The following ROR1 variants were observed in gnomAD, a reference collection of about 807,000 sequenced individuals.
ROR1 encodes the protein ROR family WNT receptor 1, also known as inactive tyrosine-protein kinase transmembrane receptor ROR1.
ROR1 carries 19 observed loss-of-function variants against 78.8 expected under a neutral mutation model. That is an observed-to-expected ratio of 0.24 (90% CI 0.17 to 0.35). The LOEUF is 0.35. ROR1 is among the 10% of genes least tolerant of loss of function. ROR1 has a pLI of 1.00. For missense variants in ROR1, 917 were observed against 1,177.8 expected, an observed-to-expected ratio of 0.78 and a Z score of 3.24; for synonymous variants, 386 against 433.6, an observed-to-expected ratio of 0.89 and a Z score of 1.36.
intron 4 of ROR1, among the ~76,000 whole-genome samples, chr1:64,087,057 T>C (rs1320954221): frequency 6.6e-6 from 1 of 152,090 alleles, no homozygotes; most frequent in Non-Finnish European, 1.5e-5. Context: ...CTGAAACATA[T>C]AGAGAATATC....
At chr1:63,899,057 A>T (rs1268057795) in intron 1 of ROR1, among the ~76,000 whole-genome samples, 1 of 151,892 alleles carries the variant, frequency 6.6e-6, no homozygotes, top group African/African-American at 2.4e-5. Context: ...ATCACACAGG[A>T]CCTGCTTCTT....
intron 1 of ROR1, among the ~76,000 whole-genome samples, chr1:63,902,214 T>A (rs2100404414): frequency 6.6e-6 from 1 of 152,312 alleles, no homozygotes; most frequent in South Asian, 2.1e-4. Context: ...AATTGTCATA[T>A]GCAACATTTT....
chr1:63,827,695 C>T (rs1229935827), intron 1 of ROR1, among the ~76,000 whole-genome samples: 2 of 152,138 alleles, frequency 1.3e-5, no homozygotes, highest in Admixed American at 6.5e-5. Context: ...TGGATATTGC[C>T]ATGAAAATAG....
intron 1 of ROR1, among the ~76,000 whole-genome samples, chr1:63,816,308 G>A (rs1009025889): frequency 1.1e-4 from 16 of 152,316 alleles, no homozygotes; most frequent in Admixed American, 7.8e-4. Context: ...ACTCCCACGT[G>A]TTGTGGGAGA....
chr1:63,945,163 C>A (rs1645874190), intron 1 of ROR1, among the ~76,000 whole-genome samples: 1 of 152,080 alleles, frequency 6.6e-6, no homozygotes, highest in African/African-American at 2.4e-5. Context: ...TAGTATGGTC[C>A]TCTGTAGTTT....
Position 64,050,673 on chromosome 1 carries a change from T to C in ROR1, c.452-13T>C. 1 of 1,613,344 alleles carries C rather than the reference T, an allele frequency of 6.2e-7. No homozygotes were observed. The highest frequency in any genetic ancestry group is 1.6e-4 in the Middle Eastern group (1 of 6,062). On this transcript the variant is annotated splice_polypyrimidine_tract_variant and intron_variant, in intron 3 of 8. Coordinates refer to ENST00000371079, the MANE Select transcript of ROR1 (RefSeq NM_005012.4). ...GACTGACTGTTTCTTTTGTTTTTCT[T>C]TCATTTCTTCAGGCCCCCCTCCCAC... is the stretch of plus-strand genomic sequence containing the variant.
intron 1 of ROR1, among the ~76,000 whole-genome samples, chr1:63,951,326 C>T (rs980830621): frequency 6.6e-6 from 1 of 152,034 alleles, no homozygotes; most frequent in East Asian, 1.9e-4. Flanking sequence ...GTTCCAGGCA[C>T]CCTACACTGT....
At chr1:63,873,313 T>G (rs1276670937) in intron 1 of ROR1, among the ~76,000 whole-genome samples, 1 of 152,206 alleles carries the variant, frequency 6.6e-6, no homozygotes. Context: ...TTGTAAACTA[T>G]AGAGTAAGAA....
intron 1 of ROR1, among the ~76,000 whole-genome samples, chr1:63,868,405 G>T (rs1024747020): frequency 2.6e-5 from 4 of 152,146 alleles, no homozygotes; most frequent in African/African-American, 4.8e-5. Context: ...GCAGAGGGAG[G>T]CTGGGCCATA....
chr1:64,077,531 G>A (rs781749703), intron 4 of ROR1, among the ~76,000 whole-genome samples: 15 of 152,230 alleles, frequency 9.9e-5, no homozygotes, highest in Non-Finnish European at 2.2e-4. Flanking sequence ...CTTTGTGAGT[G>A]GGGCATCAAT....
At chr1:64,025,125 T>C (rs1359096212) in intron 2 of ROR1, among the ~76,000 whole-genome samples, 1 of 152,216 alleles carries the variant, frequency 6.6e-6, no homozygotes, top group Non-Finnish European at 1.5e-5. Flanking sequence ...GTGTTATAAG[T>C]AATCACTTCC....
intron 1 of ROR1, among the ~76,000 whole-genome samples, chr1:63,913,656 T>C (rs1645587926): frequency 6.6e-6 from 1 of 152,206 alleles, no homozygotes; most frequent in Admixed American, 6.5e-5. Context: ...CCCTGAGATT[T>C]TCTTAGCTGC....
chr1:64,007,249 C>T (rs2100540382), intron 1 of ROR1, among the ~76,000 whole-genome samples: 1 of 152,184 alleles, frequency 6.6e-6, no homozygotes, highest in East Asian at 1.9e-4. Context: ...GTAAACAGAG[C>T]CATAATTGAT....
intron 1 of ROR1, among the ~76,000 whole-genome samples, chr1:63,961,993 A>T (rs867751530): frequency 6.6e-6 from 1 of 152,176 alleles, no homozygotes; most frequent in Admixed American, 6.5e-5. Flanking sequence ...TTAAAAATTT[A>T]AAAAATAAAA....
chr1:64,042,305 C>T (rs1646751369), intron 2 of ROR1, among the ~76,000 whole-genome samples: 1 of 152,054 alleles, frequency 6.6e-6, no homozygotes, highest in Non-Finnish European at 1.5e-5. Flanking sequence ...TTTGATATTC[C>T]AGAGATGGAT....
At chr1:64,013,290 A>G (rs1646492352) in intron 2 of ROR1, among the ~76,000 whole-genome samples, 1 of 152,122 alleles carries the variant, frequency 6.6e-6, no homozygotes, top group Admixed American at 6.6e-5. Flanking sequence ...ATTCTGATAA[A>G]TCATCCCTTT....
chr1:63,914,278 G>T (rs1645592944), intron 1 of ROR1, among the ~76,000 whole-genome samples: 1 of 152,178 alleles, frequency 6.6e-6, no homozygotes, highest in South Asian at 2.1e-4. Flanking sequence ...GAAATTTCAA[G>T]TACAGACCCG....
chr1:64,138,888 C>A (rs1306211386), intron 5 of ROR1, among the ~76,000 whole-genome samples: 4 of 152,002 alleles, frequency 2.6e-5, no homozygotes, highest in African/African-American at 9.7e-5. Flanking sequence ...TTGGGCCAGG[C>A]ACAGTGGCTC....
intron 4 of ROR1, among the ~76,000 whole-genome samples, chr1:64,064,572 G>T (rs192269092): frequency 2.5e-4 from 38 of 152,352 alleles, no homozygotes; most frequent in Non-Finnish European, 2.6e-4. Context: ...TCATACCCCA[G>T]ATTGATTTCC....
Sources: gnomAD v4.1 joint callset for allele counts (sites outside exome capture counted in the v4.1 genomes callset) on GRCh38, gnomAD v4.1.1 for gene constraint, MANE v1.5 for transcripts, NCBI Gene and HGNC (gene_info 2026-07-23, HGNC 2026-07-21) for gene names.